The following TBC1D19 variants were observed in gnomAD, a reference collection of about 807,000 sequenced individuals.
TBC1D19 encodes the protein TBC1 domain family member 19.
TBC1D19 carries 60 observed loss-of-function variants against 89.0 expected under a neutral mutation model. The ratio of observed to expected loss-of-function variants is 0.67; its 90% CI spans 0.55 to 0.84. TBC1D19 has a LOEUF of 0.84. Ranked by LOEUF, TBC1D19 falls within the 40% of genes least tolerant of loss-of-function variation. The probability of loss-of-function intolerance (pLI) is 0.00; values close to 1 mark genes in which losing one functional copy is unlikely to be tolerated. For missense variants in TBC1D19, 500 were observed against 610.8 expected, an observed-to-expected ratio of 0.82 and a Z score of 1.91; for synonymous variants, 189 against 199.7, an observed-to-expected ratio of 0.95 and a Z score of 0.45.
intron 1 of TBC1D19, among the ~76,000 whole-genome samples, chr4:26,592,498 C>A (rs1309993006): frequency 6.6e-6 from 1 of 151,584 alleles, no homozygotes. Flanking sequence ...GGCAATCAGG[C>A]AGGTTAAAGA....
the TBC1D19 span, among the ~76,000 whole-genome samples, chr4:26,798,752 A>G: frequency 3.3e-5 from 5 of 152,086 alleles, no homozygotes; most frequent in African/African-American, 7.2e-5. Context: ...GAAGGCCATT[A>G]TCCTAAGTGA....
chr4:26,781,847 A>T, the TBC1D19 span, among the ~76,000 whole-genome samples: 2 of 152,124 alleles, frequency 1.3e-5, no homozygotes, highest in Non-Finnish European at 2.9e-5. Flanking sequence ...ATGTTTAAAA[A>T]CTAATAAAAA....
At chr4:26,779,873 T>C in the TBC1D19 span, among the ~76,000 whole-genome samples, 2 of 152,226 alleles carry the variant, frequency 1.3e-5, no homozygotes, top group Admixed American at 6.5e-5. Context: ...CAGCAGGTTG[T>C]GTGGGACTTG....
At chr4:26,686,339 G>A (rs1345958061) in intron 12 of TBC1D19, among the ~76,000 whole-genome samples, 1 of 151,900 alleles carries the variant, frequency 6.6e-6, no homozygotes, top group African/African-American at 2.4e-5. Flanking sequence ...AGTCATAGAT[G>A]TTCTGAGCCA....
At position 26,742,627 on chromosome 4, in the gene TBC1D19, A is replaced by T. The variant is rs770156924; in HGVS notation, c.1319+28A>T. On this transcript the variant is annotated intron_variant, in intron 18 of 20. Coordinates refer to ENST00000264866, the MANE Select transcript of TBC1D19 (RefSeq NM_018317.4). Reference sequence around the variant, plus strand: ...GAGTACTTTTCTCTCCTAATTGAAGAATAGATAGTTTCACAGAAAGCTCTT... The same window carrying T: ...GAGTACTTTTCTCTCCTAATTGAAGTATAGATAGTTTCACAGAAAGCTCTT... 3.8e-5 allele frequency: 60 copies of T among 1,578,350 alleles called. 1 individual carries two copies. In the Admixed American group the frequency reaches 1.0e-3, roughly 27 times the overall value.
chr4:26,595,491 C>A (rs1740150119), intron 1 of TBC1D19, among the ~76,000 whole-genome samples: 2 of 152,104 alleles, frequency 1.3e-5, no homozygotes, highest in Admixed American at 1.3e-4. Context: ...AATAGCTAAA[C>A]CCTAAGGTCA....
chr4:26,705,564 G>A (rs1254427852), intron 13 of TBC1D19, among the ~76,000 whole-genome samples: 1 of 152,118 alleles, frequency 6.6e-6, no homozygotes, highest in Non-Finnish European at 1.5e-5. Flanking sequence ...ATGGTAATGG[G>A]AGAAAGGACA....
the TBC1D19 span, among the ~76,000 whole-genome samples, chr4:26,849,764 C>G: frequency 6.6e-6 from 1 of 152,104 alleles, no homozygotes; most frequent in Non-Finnish European, 1.5e-5. Flanking sequence ...TTGGGTGAAC[C>G]ACTAAATCCA....
At chr4:26,784,140 T>C in the TBC1D19 span, among the ~76,000 whole-genome samples, 1 of 152,160 alleles carries the variant, frequency 6.6e-6, no homozygotes, top group South Asian at 2.1e-4. Flanking sequence ...AATAAAAACT[T>C]CTTCATCCTT....
At chr4:26,628,728 G>C (rs1159512441) in intron 4 of TBC1D19, among the ~76,000 whole-genome samples, 2 of 151,776 alleles carry the variant, frequency 1.3e-5, no homozygotes, top group East Asian at 1.9e-4. Flanking sequence ...GACAAACAGA[G>C]AGCCAAATCA....
At chr4:26,818,084 G>A in the TBC1D19 span, among the ~76,000 whole-genome samples, 1 of 151,566 alleles carries the variant, frequency 6.6e-6, no homozygotes, top group Non-Finnish European at 1.5e-5. Flanking sequence ...CACCTGCCAT[G>A]TGAATGGGGC....
At chr4:26,616,133 C>CA (rs1741684186) in intron 3 of TBC1D19, among the ~76,000 whole-genome samples, 1 of 151,520 alleles carries the variant, frequency 6.6e-6, no homozygotes, top group African/African-American at 2.4e-5. Context: ...CAAGATAAAA[C>CA]AAAAAAGCAG....
chr4:26,703,263 T>C (rs1715472499), intron 13 of TBC1D19, among the ~76,000 whole-genome samples: 1 of 152,230 alleles, frequency 6.6e-6, no homozygotes, highest in South Asian at 2.1e-4. Context: ...TTATTCATTT[T>C]ACAATTAGTC....
chr4:26,665,665 T>G (rs1711740021), intron 8 of TBC1D19, among the ~76,000 whole-genome samples: 1 of 152,092 alleles, frequency 6.6e-6, no homozygotes, highest in Non-Finnish European at 1.5e-5. Flanking sequence ...GATTAAGATC[T>G]GAGTGAAGTA....
intron 4 of TBC1D19, among the ~76,000 whole-genome samples, chr4:26,633,601 C>T (rs746179938): frequency 1.3e-5 from 2 of 152,084 alleles, no homozygotes; most frequent in Non-Finnish European, 2.9e-5. Flanking sequence ...AACGGCAGTC[C>T]TGTTCCTAAA....
At chr4:26,834,665 G>A in the TBC1D19 span, among the ~76,000 whole-genome samples, 1 of 152,126 alleles carries the variant, frequency 6.6e-6, no homozygotes, top group African/African-American at 2.4e-5. Flanking sequence ...CTCACCCCCA[G>A]TCCTTCCTGC....
chr4:26,824,379 A>T, the TBC1D19 span, among the ~76,000 whole-genome samples: 1 of 152,252 alleles, frequency 6.6e-6, no homozygotes, highest in Non-Finnish European at 1.5e-5. Context: ...ACAGATATGA[A>T]GTATCTTTTC....
At chr4:26,684,752 T>C (rs1251743333) in intron 12 of TBC1D19, among the ~76,000 whole-genome samples, 1 of 152,120 alleles carries the variant, frequency 6.6e-6, no homozygotes, top group African/African-American at 2.4e-5. Context: ...GAAGATTACA[T>C]ATTGAGGACC....
At chr4:26,691,697 T>G (rs1055913013) in intron 13 of TBC1D19, among the ~76,000 whole-genome samples, 14 of 152,224 alleles carry the variant, frequency 9.2e-5, no homozygotes, top group Admixed American at 7.9e-4. Context: ...TTATACATAC[T>G]GAGAAACCAG....
Sources: gnomAD v4.1 joint callset for allele counts (sites outside exome capture counted in the v4.1 genomes callset) on GRCh38, gnomAD v4.1.1 for gene constraint, MANE v1.5 for transcripts, NCBI Gene and HGNC (gene_info 2026-07-23, HGNC 2026-07-21) for gene names.